Variants in DIRAS1 observed in about 807,000 individuals in gnomAD.
The protein encoded by DIRAS1 is GTP-binding protein Di-Ras1.
A neutral mutation model predicts 11.5 loss-of-function variants in DIRAS1; 3 were observed. The ratio of observed to expected loss-of-function variants is 0.26; its 90% CI spans 0.12 to 0.67. The LOEUF (loss-of-function observed/expected upper bound fraction) is 0.67, where lower values mean the gene tolerates loss of function less well. DIRAS1 is among the 30% of genes least tolerant of loss of function. DIRAS1 has a pLI of 0.80. For missense variants in DIRAS1, 212 were observed against 285.3 expected (o/e 0.74, Z 1.85); for synonymous variants, 128 against 125.8 (o/e 1.02, Z -0.12).
intron 1 of DIRAS1, among the ~76,000 whole-genome samples, chr19:2,719,895 G>A (rs1913915391): frequency 6.6e-6 from 1 of 152,196 alleles, no homozygotes; most frequent in Admixed American, 6.5e-5. Context: ...TGGGGCCGGT[G>A]GGCAGGGCAC....
Position 2,718,453 on chromosome 19 carries a change from G to A in DIRAS1, c.-69-578C>T, listed in dbSNP as rs1010018807. Among the ~76,000 whole-genome samples, 5 of 152,230 alleles carry A rather than the reference G, an allele frequency of 3.3e-5. No individual in the cohort carries two copies. The highest frequency in any genetic ancestry group is 5.9e-5 in the Non-Finnish European group (4 of 68,038). On this transcript the variant is annotated intron_variant, in intron 1 of 1. Coordinates refer to ENST00000323469, the MANE Select transcript of DIRAS1 (RefSeq NM_145173.4). The surrounding 1 kb of genome is among the most constrained non-coding windows in gnomAD (Gnocchi z 4.2). ...TGTTTAAGATGCATATGTCAGGGCC[G>A]CAGCCCTAGGTGTGATGAATCGGTC...
chr19:2,721,066 G>C (rs1402515176), intron 1 of DIRAS1, among the ~76,000 whole-genome samples: 1 of 130,552 alleles, frequency 7.7e-6, no homozygotes, highest in African/African-American at 2.9e-5. Flanking sequence ...GCAGGGGGGC[G>C]CCCTCCGGGT....
At position 2,718,181 on chromosome 19, in the gene DIRAS1, G is replaced by A. The variant is rs531300464; in HGVS notation, c.-69-306C>T. On this transcript the variant is annotated intron_variant, in intron 1 of 1. Coordinates refer to ENST00000323469, the MANE Select transcript of DIRAS1 (RefSeq NM_145173.4). The surrounding 1 kb of genome is among the most constrained non-coding windows in gnomAD (Gnocchi z 4.2). ...CCACGAAACTCCTTCCCCGGGTGTGGGTGTCCCTTCCAGGCTGTGCCAGCT... is the reference window on the plus strand; with the variant it reads ...CCACGAAACTCCTTCCCCGGGTGTGAGTGTCCCTTCCAGGCTGTGCCAGCT... Among the ~76,000 whole-genome samples, 1 of 152,344 alleles carries A rather than the reference G, an allele frequency of 6.6e-6. No homozygotes were observed. Among genetic ancestry groups the A allele is most frequent in the African/African-American group, 2.4e-5 (1 of 41,578 alleles).
rs1222406849 is a variant in DIRAS1 at position 2,718,866 on chromosome 19, G to C, written c.-69-991C>G. ...AACCAAGTCTTGCTCTGTTGCCCAG[G>C]TTGGAGTTCAGTGGTGCAATCTCGG... On this transcript the variant is annotated intron_variant, in intron 1 of 1. Coordinates refer to ENST00000323469, the MANE Select transcript of DIRAS1 (RefSeq NM_145173.4). The surrounding 1 kb of genome is among the most constrained non-coding windows in gnomAD (Gnocchi z 4.2). Among the ~76,000 whole-genome samples the C allele has an allele frequency of 6.6e-6, 1 of 151,276 alleles. No individual in the cohort carries two copies. Among genetic ancestry groups the C allele is most frequent in the African/African-American group, 2.4e-5 (1 of 41,064 alleles).
intron 1 of DIRAS1, among the ~76,000 whole-genome samples, chr19:2,720,037 T>A (rs887019053): frequency 1.3e-5 from 2 of 151,968 alleles, no homozygotes; most frequent in Non-Finnish European, 2.9e-5. Flanking sequence ...GGCAAACTTC[T>A]GGGCGCCTCG....
In DIRAS1 at chr19:2,714,901, C is replaced by G. The variant is rs1913748302; in HGVS notation, c.*2309G>C. ...TGTGTCCCTGAGAAAGGGCCGCAGA[C>G]CCCTGCCCAGCCTCACTCTCTCCGG... On this transcript the variant is annotated 3_prime_UTR_variant, in exon 2 of 2. Transcript: ENST00000323469. The G allele has an allele frequency of 6.5e-6, 1 of 152,694 alleles. No individual in the cohort carries two copies. The highest frequency in any genetic ancestry group is 6.5e-5 in the Admixed American group (1 of 15,294). 9.5% of individuals were successfully genotyped at this position (152,694 alleles called of 1,614,324 possible). A position where few individuals can be genotyped will look rare whatever the true frequency, so the allele number is the denominator to read the frequency against.
rs752415539 is a variant in DIRAS1, at chr19:2,717,822, TGGGC to T, written c.-20_-17del. 6.3e-7 allele frequency: 1 copy of T among 1,580,186 alleles called. No individual in the cohort carries two copies. Among genetic ancestry groups the T allele is most frequent in the Non-Finnish European group, 8.6e-7 (1 of 1,167,090 alleles). ...GTTCCGGCATCTTCCCCGCGGCGGG[TGGGC>T]GGCCGGGGCCGGGAGGGCTGGTGCC... is the stretch of plus-strand genomic sequence containing the variant. On this transcript the variant is annotated 5_prime_UTR_variant, in exon 2 of 2. Coordinates refer to ENST00000323469, the MANE Select transcript of DIRAS1 (RefSeq NM_145173.4).
Position 2,715,767 on chromosome 19 carries a change from C to A in DIRAS1, c.*1443G>T, listed in dbSNP as rs769514121. On this transcript the variant is annotated 3_prime_UTR_variant, in exon 2 of 2. Transcript: ENST00000323469. ...AGAGTCATGTTGCTATAGAGTGGAA[C>A]ACAGATCGTGTCCCTCAATCAGGAC... is the stretch of plus-strand genomic sequence containing the variant. The A allele has an allele frequency of 2.0e-5, 3 of 152,224 alleles. No homozygotes were observed. Among genetic ancestry groups the A allele is most frequent in the Non-Finnish European group, 4.4e-5 (3 of 68,050 alleles). The allele number at this position is 152,224 out of a possible 1,614,324, so 9.4% of individuals were successfully genotyped here.
chr19:2,719,993 G>C (rs1913917686), intron 1 of DIRAS1, among the ~76,000 whole-genome samples: 1 of 152,236 alleles, frequency 6.6e-6, no homozygotes, highest in Non-Finnish European at 1.5e-5. Context: ...TGATGAAAGC[G>C]CCAGCTGACA....
At position 2,717,144 on chromosome 19, in the gene DIRAS1, T is replaced by C. The variant is rs187199591; in HGVS notation, c.*66A>G. The C allele has an allele frequency of 3.9e-4, 522 of 1,332,794 alleles. 2 individuals carry two copies. The Middle Eastern group carries it at 4.2e-3, about 11-fold the overall frequency. 82.6% of individuals were successfully genotyped at this position (1,332,794 alleles called of 1,614,324 possible). ...GAGAAGAGGAGGAGGCCGAGGAGGG[T>C]GTCGGTGTTGGGGGAGGCAGCGGGG... On this transcript the variant is annotated 3_prime_UTR_variant, in exon 2 of 2. Transcript: ENST00000323469.
chr19:2,717,123 A>G lies in DIRAS1; in HGVS notation c.*87T>C. The G allele has an allele frequency of 7.6e-7, 1 of 1,322,672 alleles. No homozygotes were observed. Among genetic ancestry groups the G allele is most frequent in the Non-Finnish European group, 1.0e-6 (1 of 986,578 alleles). The allele number at this position is 1,322,672 out of a possible 1,614,324, so 81.9% of individuals were successfully genotyped here. ...GAGGTGTCGGAGGAAGGATGAGAGA[A>G]GAGGAGGAGGCCGAGGAGGGTGTCG... On this transcript the variant is annotated 3_prime_UTR_variant, in exon 2 of 2. Coordinates refer to ENST00000323469, the MANE Select transcript of DIRAS1 (RefSeq NM_145173.4).
chr19:2,720,918 G>C (rs1385764913), intron 1 of DIRAS1, among the ~76,000 whole-genome samples: 3 of 151,794 alleles, frequency 2.0e-5, no homozygotes, highest in Non-Finnish European at 2.9e-5. Flanking sequence ...CCCACCCCGG[G>C]GAGGGGGCGC....
Position 2,715,339 on chromosome 19 carries a change from A to G in DIRAS1, c.*1871T>C, listed in dbSNP as rs1271440734. The G allele has an allele frequency of 6.6e-6, 1 of 152,150 alleles. No individual in the cohort carries two copies. Among genetic ancestry groups the G allele is most frequent in the Non-Finnish European group, 1.5e-5 (1 of 68,084 alleles). 9.4% of individuals were successfully genotyped at this position (152,150 alleles called of 1,614,324 possible). A position where few individuals can be genotyped will look rare whatever the true frequency, so the allele number is the denominator to read the frequency against. On this transcript the variant is annotated 3_prime_UTR_variant, in exon 2 of 2. Transcript: ENST00000323469. Reference sequence around the variant, plus strand: ...CACACCCAATAAGACCAAAACCTCCATCTCACCTTCCCTCACTAACTTAGC... The same window carrying G: ...CACACCCAATAAGACCAAAACCTCCGTCTCACCTTCCCTCACTAACTTAGC...
Position 2,717,275 on chromosome 19 carries a change from C to A in DIRAS1, c.532G>T (p.Asp178Tyr). The A allele has an allele frequency of 1.2e-6, 2 of 1,611,616 alleles. No homozygotes were observed. Among genetic ancestry groups the A allele is most frequent in the Non-Finnish European group, 8.5e-7 (1 of 1,179,322 alleles). ...TTCTGCTTCCCGGAGCGCTTGCCGT[C>A]GATGTTGAGGCTCATGTTCCGGCGC... ...ETRRNMSLNI[D>Y]GKRSGKQKRT... The change falls in exon 2 of 2, where the codon GAC becomes TAC. Residue 178 changes from aspartate (D) to tyrosine (Y), a missense_variant. By Grantham distance (160) the Asp-to-Tyr change is radical. Around this residue, in one of 2 missense-constraint regions of DIRAS1, gnomAD observed 84 missense variants for 79.9 expected, o/e 1.05. Transcript: ENST00000323469.
chr19:2,717,677 A>T lies in DIRAS1; in HGVS notation c.130T>A (p.Tyr44Asn). The change falls in exon 2 of 2, where the codon TAC becomes AAC. Residue 44 changes from tyrosine (Y) to asparagine (N), a missense_variant. Coordinates refer to ENST00000323469, the MANE Select transcript of DIRAS1 (RefSeq NM_145173.4). ...TTGTCGCAGCTGATCACCTGCCGGT[A>T]GGTGTCCTCGATGGTGGGGATGTAG... ...DTYIPTIEDT[Y>N]RQVISCDKSV... 2.5e-6 allele frequency: 4 copies of T among 1,612,666 alleles called. No homozygotes were observed. The highest frequency in any genetic ancestry group is 3.4e-6 in the Non-Finnish European group (4 of 1,180,018).
rs1042349062 is a variant in DIRAS1 at position 2,714,871 on chromosome 19, C to T, written c.*2339G>A. ...CAGGGCCCCAAGGAGATTGTGCTAT[C>T]AGGGTGTGTCCCTGAGAAAGGGCCG... On this transcript the variant is annotated 3_prime_UTR_variant, in exon 2 of 2. Coordinates refer to ENST00000323469, the MANE Select transcript of DIRAS1 (RefSeq NM_145173.4). 1 of 152,666 alleles carries T rather than the reference C, an allele frequency of 6.6e-6. No individual in the cohort carries two copies. Among genetic ancestry groups the T allele is most frequent in the Non-Finnish European group, 1.5e-5 (1 of 68,146 alleles). 9.5% of individuals were successfully genotyped at this position (152,666 alleles called of 1,614,324 possible).
rs1006027583 is a variant in DIRAS1, at chr19:2,716,778, C to T, written c.*432G>A. ...GAGGCCGATGTGCATTTTCAACTCC[C>T]CCCTCCCCCAGAAGGTCACAGTGAT... On this transcript the variant is annotated 3_prime_UTR_variant, in exon 2 of 2. Transcript: ENST00000323469. 1 of 182,828 alleles carries T rather than the reference C, an allele frequency of 5.5e-6. No individual in the cohort carries two copies. Among genetic ancestry groups the T allele is most frequent in the African/African-American group, 2.4e-5 (1 of 42,420 alleles). The allele number at this position is 182,828 out of a possible 1,614,324, so 11.3% of individuals were successfully genotyped here.
At chr19:2,720,736 G>A (rs969523808) in intron 1 of DIRAS1, among the ~76,000 whole-genome samples, 2 of 152,190 alleles carry the variant, frequency 1.3e-5, no homozygotes, top group Admixed American at 1.3e-4. Flanking sequence ...TCTAGCGGGG[G>A]TCACGCCTGA....
chr19:2,720,469 G>C (rs751860135), intron 1 of DIRAS1, among the ~76,000 whole-genome samples: 10 of 152,180 alleles, frequency 6.6e-5, no homozygotes, highest in Non-Finnish European at 1.3e-4. Context: ...GCAGGAGCAG[G>C]AGGGGCTGGC....
Sources: gnomAD v4.1 joint callset for allele counts (sites outside exome capture counted in the v4.1 genomes callset) on GRCh38, gnomAD v4.1.1 for gene constraint, gnomAD v4.1.1 regional missense constraint, Gnocchi (gnomAD v3.1) non-coding constraint, MANE v1.5 for transcripts, NCBI Gene and HGNC (gene_info 2026-07-23, HGNC 2026-07-21) for gene names.